Variants in SMARCA4 observed in about 807,000 individuals in gnomAD.
SMARCA4 encodes SWI/SNF-related matrix-associated actin-dependent regulator of chromatin subfamily A member 4.
In SMARCA4, 31 loss-of-function variants were observed where a neutral mutation model predicts 193.9. The observed-to-expected ratio is 0.16, with a 90% CI of 0.12 to 0.22. The LOEUF (loss-of-function observed/expected upper bound fraction) is 0.22. Among genes scored for constraint, SMARCA4 ranks in the 10% least tolerant of loss-of-function variants. The pLI is 1.00. For synonymous variants in SMARCA4, 942 were observed against 933.1 expected, an observed-to-expected ratio of 1.01 and a Z score of -0.17; for missense variants, 1,148 against 2,296.0, an observed-to-expected ratio of 0.50 and a Z score of 10.22.
At chr19:10,975,825 G>A (rs914381927) in intron 1 of SMARCA4, among the ~76,000 whole-genome samples, 1 of 152,142 alleles carries the variant, frequency 6.6e-6, no homozygotes, top group Non-Finnish European at 1.5e-5. Context: ...TTTCACTTCC[G>A]GTCATTCCTT....
intron 16 of SMARCA4, among the ~76,000 whole-genome samples, chr19:11,016,982 T>C (rs1337528181): frequency 6.6e-6 from 1 of 152,110 alleles, no homozygotes; most frequent in Non-Finnish European, 1.5e-5. Flanking sequence ...TGGATGGGCC[T>C]GTTGCTTCTG....
chr19:10,995,883 G>A, intron 9 of SMARCA4: 1 of 416,558 alleles, frequency 2.4e-6, no homozygotes, highest in Non-Finnish European at 4.6e-6. Context: ...TGTAGGAGGT[G>A]GTGGGAGGGA....
intron 11 of SMARCA4, among the ~76,000 whole-genome samples, chr19:10,997,526 A>G (rs565709207): frequency 3.3e-5 from 5 of 152,226 alleles, no homozygotes; most frequent in African/African-American, 7.2e-5. Context: ...GGGTTTCACC[A>G]TGTTGGCCAG....
chr19:10,974,690 T>TATATATATATATATATA (rs1491522292), intron 1 of SMARCA4, among the ~76,000 whole-genome samples: 2 of 18,580 alleles, frequency 1.1e-4, no homozygotes, highest in East Asian at 2.3e-3. Flanking sequence ...TATATATATA[T>TATATATATATATATATA]TTTTTTTTTT....
rs770128715 is a variant in SMARCA4 at position 10,987,775 on chromosome 19, G to A, written c.969G>A (p.Ser323=). ...PAPPAVPPAA[S]PVMPPQTQSP... ...CCCCTGCCGTCCCACCCGCCGCCTC[G>A]CCCGTGATGCCACCGCAGACCCAGT... Residue 323 remains serine (S), a synonymous_variant, in exon 6 of 35, where the codon TCG becomes TCA. Coordinates refer to ENST00000344626, the MANE Select transcript of SMARCA4 (RefSeq NM_003072.5). The surrounding 1 kb of genome is among the most constrained non-coding windows in gnomAD (Gnocchi z 5.3). 22 of 1,597,488 alleles carry A rather than the reference G, an allele frequency of 1.4e-5. No homozygotes were observed. The highest frequency in any genetic ancestry group is 1.3e-4 in the African/African-American group (10 of 74,334).
intron 30 of SMARCA4, among the ~76,000 whole-genome samples, chr19:11,049,294 TG>T (rs1018265170): frequency 9.9e-5 from 15 of 152,196 alleles, no homozygotes; most frequent in African/African-American, 3.6e-4. Flanking sequence ...CGTTTCTCCT[TG>T]GTGGTTTGAA....
At chr19:10,994,767 C>T (rs1396803629) in intron 8 of SMARCA4, 61 bp from the exon 9 acceptor site, 21 of 1,457,384 alleles carry the variant, frequency 1.4e-5, no homozygotes, top group East Asian at 4.5e-5. Context: ...ACAAGCCTTG[C>T]GGGGAGATGT....
At position 11,025,519 on chromosome 19, in the gene SMARCA4, C is replaced by T. The variant is rs760537610; in HGVS notation, c.3168+11C>T. The T allele has an allele frequency of 3.2e-5, 52 of 1,608,894 alleles. No individual in the cohort carries two copies. Among genetic ancestry groups the T allele is most frequent in the South Asian group, 2.7e-4 (25 of 90,984 alleles). Reference sequence around the variant, plus strand: ...TTCCAGCACATCGAGGTGAGCCCGCCGCGGCTGGGACGGCTCAGGCCCTGC... The same window carrying T: ...TTCCAGCACATCGAGGTGAGCCCGCTGCGGCTGGGACGGCTCAGGCCCTGC... On this transcript the variant is annotated intron_variant, in intron 22 of 34. Coordinates refer to ENST00000344626, the MANE Select transcript of SMARCA4 (RefSeq NM_003072.5).
rs989345000 is a variant in SMARCA4, at chr19:10,985,651, A to G, written c.355+246A>G. 7.2e-5 allele frequency among the ~76,000 whole-genome samples: 11 copies of G among 152,168 alleles called. No individual in the cohort carries two copies. The highest frequency in any genetic ancestry group is 2.7e-4 in the African/African-American group (11 of 41,438). ...GGGCAGACCATGTTCAGCATGGGTG[A>G]TAGAGGAGGGCTGTGCAGGGCAGCA... On this transcript the variant is annotated intron_variant, in intron 3 of 34. Transcript: ENST00000344626. The surrounding 1 kb of genome is among the most constrained non-coding windows in gnomAD (Gnocchi z 4.5).
chr19:11,003,031 T>C lies in SMARCA4; in HGVS notation c.1815T>C (p.Pro605=), dbSNP rs1034540403. Reference sequence around the variant, plus strand: ...TCACACGAATGACTCTTTTTCAGCCTCTGGACGAGACCAGCCAGATGAGCG... The same window carrying C: ...TCACACGAATGACTCTTTTTCAGCCCCTGGACGAGACCAGCCAGATGAGCG... ...QTPAIGPDGE[P]LDETSQMSDL... is the part of the protein sequence containing the mutation. Residue 605 remains proline (P), a splice_region_variant and synonymous_variant, in exon 12 of 35, where the codon CCT becomes CCC. Transcript: ENST00000344626. 12 of 1,613,976 alleles carry C rather than the reference T, an allele frequency of 7.4e-6. No homozygotes were observed. Among genetic ancestry groups the C allele is most frequent in the Non-Finnish European group, 1.0e-5 (12 of 1,180,012 alleles).
At chr19:11,008,219 G>A (rs567347638) in intron 14 of SMARCA4, 196 bp downstream of exon 14, 18 of 567,922 alleles carry the variant, frequency 3.2e-5, no homozygotes, top group Admixed American at 1.3e-4. Context: ...AATTGCATTC[G>A]CATGGTTCAC....
chr19:10,999,950 G>A (rs1195016319), intron 11 of SMARCA4, among the ~76,000 whole-genome samples: 1 of 152,196 alleles, frequency 6.6e-6, no homozygotes, highest in Non-Finnish European at 1.5e-5. Flanking sequence ...CTGGGGCCGG[G>A]TGCGGTGGCT....
At chr19:11,038,423 C>T (rs1349554941) in intron 29 of SMARCA4, among the ~76,000 whole-genome samples, 7 of 152,232 alleles carry the variant, frequency 4.6e-5, no homozygotes, top group African/African-American at 1.7e-4. Flanking sequence ...CCTGGGTCTG[C>T]AGGGGGCCTT....
intron 30 of SMARCA4, among the ~76,000 whole-genome samples, chr19:11,042,898 C>T (rs149202222): frequency 0.05 from 7,637 of 152,182 alleles, 267 homozygotes; most frequent in South Asian, 0.12. Flanking sequence ...TCACTTGAAC[C>T]CAGGAAGTGG....
rs368741787 is a variant in SMARCA4 at position 11,019,550 on chromosome 19, C to A, written c.2506-41C>A. Reference sequence around the variant, plus strand: ...GTGCCCCTCTTGCCACCTGGCCACCCGGCTCCAAAAGCCGAGCTGTGCATC... The same window carrying A: ...GTGCCCCTCTTGCCACCTGGCCACCAGGCTCCAAAAGCCGAGCTGTGCATC... On this transcript the variant is annotated intron_variant, in intron 17 of 34. Coordinates refer to ENST00000344626, the MANE Select transcript of SMARCA4 (RefSeq NM_003072.5). This position sits in a 1 kb window ranked among gnomAD's most constrained non-coding sequence, Gnocchi z 6.1. 4 of 1,418,620 alleles carry A rather than the reference C, an allele frequency of 2.8e-6. No individual in the cohort carries two copies. Among genetic ancestry groups the A allele is most frequent in the Middle Eastern group, 1.7e-4 (1 of 5,720 alleles). 87.9% of individuals were successfully genotyped at this position (1,418,620 alleles called of 1,614,324 possible). A position where few individuals can be genotyped will look rare whatever the true frequency, so the allele number is the denominator to read the frequency against.
intron 9 of SMARCA4, chr19:10,995,244 G>A (rs750014356): frequency 7.7e-6 from 5 of 646,156 alleles, no homozygotes; most frequent in Non-Finnish European, 5.7e-6. Flanking sequence ...GCCTTCTCTG[G>A]AAAATGGAGG....
chr19:10,971,091 G>A (rs998802473), intron 1 of SMARCA4, among the ~76,000 whole-genome samples: 2 of 152,156 alleles, frequency 1.3e-5, no homozygotes, highest in African/African-American at 4.8e-5. Context: ...AGCTACTTGA[G>A]AGGCTGAGGC....
chr19:11,061,466 C>A (rs1400287919), intron 34 of SMARCA4, among the ~76,000 whole-genome samples: 2 of 151,920 alleles, frequency 1.3e-5, no homozygotes, highest in African/African-American at 2.4e-5. Context: ...AGCTCCACCC[C>A]CCGGGATCGC....
At chr19:11,018,385 C>T (rs1300275184) in intron 16 of SMARCA4, 2 of 239,650 alleles carry the variant, frequency 8.3e-6, no homozygotes, top group Non-Finnish European at 1.7e-5. Context: ...TCCCTCATTC[C>T]AGCCCTGGTC....
Sources: gnomAD v4.1 joint callset for allele counts (sites outside exome capture counted in the v4.1 genomes callset) on GRCh38, gnomAD v4.1.1 for gene constraint, Gnocchi (gnomAD v3.1) non-coding constraint, MANE v1.5 for transcripts, NCBI Gene and HGNC (gene_info 2026-07-23, HGNC 2026-07-21) for gene names.